The following TMEM132C variants were observed in gnomAD, a reference collection of about 807,000 sequenced individuals.
The protein encoded by TMEM132C is protein phosphatase 1, regulatory subunit 152.
Under a neutral mutation model 61.4 loss-of-function variants are expected in TMEM132C, and 29 were observed. The ratio of observed to expected loss-of-function variants is 0.47; its 90% CI spans 0.35 to 0.64. The LOEUF (loss-of-function observed/expected upper bound fraction) is 0.64. Ranked by LOEUF, TMEM132C falls within the 30% of genes least tolerant of loss-of-function variation. TMEM132C has a pLI of 0.00. For synonymous variants in TMEM132C, 656 were observed against 633.1 expected, an observed-to-expected ratio of 1.04 and a Z score of -0.54; for missense variants, 1,408 against 1,476.9, an observed-to-expected ratio of 0.95 and a Z score of 0.76.
intron 2 of TMEM132C, among the ~76,000 whole-genome samples, chr12:128,427,410 G>A (rs865989800): frequency 2.4e-5 from 2 of 82,638 alleles, no homozygotes; most frequent in African/African-American, 3.4e-5. Context: ...GTGTGTGTGT[G>A]TGTGTGTGTG....
Position 128,403,368 on chromosome 12 carries a change from C to T in TMEM132C, c.86-11364C>T, listed in dbSNP as rs867410804. Among the ~76,000 whole-genome samples, 6 of 152,276 alleles carry T rather than the reference C, an allele frequency of 3.9e-5. No homozygotes were observed. The East Asian group carries it at 1.2e-3, about 29-fold the overall frequency. Reference sequence around the variant, plus strand: ...AGGTGTCTGATATCATATGAGTAAACCAGAGATGTCTGATGCAGGAGACAC... The same window carrying T: ...AGGTGTCTGATATCATATGAGTAAATCAGAGATGTCTGATGCAGGAGACAC... On this transcript the variant is annotated intron_variant, in intron 1 of 8. Coordinates refer to ENST00000435159, the MANE Select transcript of TMEM132C (RefSeq NM_001136103.3).
intron 2 of TMEM132C, among the ~76,000 whole-genome samples, chr12:128,438,591 C>G (rs1484946216): frequency 4.6e-5 from 7 of 152,052 alleles, no homozygotes; most frequent in Admixed American, 4.6e-4. Flanking sequence ...CTAAGAACAC[C>G]CACTTTTAAA....
At chr12:128,639,315 TATG>T (rs1032105026) in intron 4 of TMEM132C, among the ~76,000 whole-genome samples, 8 of 149,024 alleles carry the variant, frequency 5.4e-5, no homozygotes, top group Admixed American at 1.3e-4. Flanking sequence ...GTGATGATGG[TATG>T]ATGGTGATGA....
chr12:128,334,674 C>T (rs554506963), intron 1 of TMEM132C, among the ~76,000 whole-genome samples: 63 of 151,830 alleles, frequency 4.1e-4, no homozygotes, highest in African/African-American at 1.4e-3. Flanking sequence ...CAGCTCACTG[C>T]AAGCTCTGCC....
chr12:128,543,912 A>G (rs1179323282), intron 2 of TMEM132C, 45 bp from the exon 3 acceptor site: 1 of 1,525,648 alleles, frequency 6.6e-7, no homozygotes, highest in Non-Finnish European at 8.8e-7. Flanking sequence ...GGAAAGGCCA[A>G]GCCTTAACCC....
intron 3 of TMEM132C, among the ~76,000 whole-genome samples, chr12:128,566,190 A>C (rs1035389624): frequency 8.7e-6 from 1 of 115,510 alleles, no homozygotes; most frequent in Non-Finnish European, 1.6e-5. Flanking sequence ...AAGCCTAACC[A>C]AAAAAAAAAA....
intron 2 of TMEM132C, among the ~76,000 whole-genome samples, chr12:128,500,310 A>G (rs1407435958): frequency 6.6e-6 from 1 of 152,212 alleles, no homozygotes; most frequent in Non-Finnish European, 1.5e-5. Flanking sequence ...TTACAACTCT[A>G]AAAGCCCAAG....
At chr12:128,442,385 G>T (rs988636810) in intron 2 of TMEM132C, among the ~76,000 whole-genome samples, 1 of 152,204 alleles carries the variant, frequency 6.6e-6, no homozygotes, top group South Asian at 2.1e-4. Context: ...CATGGCCCTC[G>T]CCCTGACTAT....
intron 1 of TMEM132C, among the ~76,000 whole-genome samples, chr12:128,345,346 G>T (rs1873121212): frequency 6.6e-6 from 1 of 152,132 alleles, no homozygotes; most frequent in Non-Finnish European, 1.5e-5. Flanking sequence ...TTGCTATTGT[G>T]AATAGTGCTG....
rs1870774948 is a variant in TMEM132C at position 128,278,737 on chromosome 12, A to T, written c.85+11250A>T. On this transcript the variant is annotated intron_variant, in intron 1 of 8. Transcript: ENST00000435159. This position sits in a 1 kb window ranked among gnomAD's most constrained non-coding sequence, Gnocchi z 4.2. ...GTTCCCAGATATTTGTGCAGACTTG[A>T]TTCTATACGTGTATGTGTGTGTGTG... 7.1e-6 allele frequency among the ~76,000 whole-genome samples: 1 copy of T among 140,560 alleles called. No individual in the cohort carries two copies. The highest frequency in any genetic ancestry group is 2.6e-5 in the African/African-American group (1 of 37,744). 92.2% of individuals were successfully genotyped at this position (140,560 alleles called of 152,430 possible).
At chr12:128,674,721 G>T (rs961690634) in intron 5 of TMEM132C, among the ~76,000 whole-genome samples, 1 of 151,978 alleles carries the variant, frequency 6.6e-6, no homozygotes, top group African/African-American at 2.4e-5. Flanking sequence ...GTGGTATTTG[G>T]TTACATGAGT....
intron 1 of TMEM132C, among the ~76,000 whole-genome samples, chr12:128,355,874 G>T (rs76148851): frequency 6.6e-6 from 1 of 152,166 alleles, no homozygotes; most frequent in Non-Finnish European, 1.5e-5. Flanking sequence ...GTCCCTGGGT[G>T]CCCTACATAA....
In TMEM132C at chr12:128,382,491, A is replaced by T. The variant is rs114366426; in HGVS notation, c.86-32241A>T. On this transcript the variant is annotated intron_variant, in intron 1 of 8. Transcript: ENST00000435159. ...TTAATTTTAGTTAATTTTAATATCA[A>T]TAACCACATGTGGCTAATGGCTCAG... Among the ~76,000 whole-genome samples, 1,220 of 152,322 alleles carry T rather than the reference A, an allele frequency of 8.0e-3. 16 individuals are homozygous for T. The highest frequency in any genetic ancestry group is 0.028 in the African/African-American group (1,160 of 41,578).
intron 2 of TMEM132C, chr12:128,437,998 G>A (rs977562878): frequency 2.0e-5 from 3 of 152,126 alleles, no homozygotes; most frequent in Admixed American, 6.5e-5. Flanking sequence ...TTTGGTCCTT[G>A]GTTTATTATC....
In TMEM132C at chr12:128,415,139, G is replaced by A; in HGVS notation, c.493G>A (p.Glu165Lys). The A allele has an allele frequency of 6.2e-7, 1 of 1,610,436 alleles. No homozygotes were observed. The highest frequency in any genetic ancestry group is 8.5e-7 in the Non-Finnish European group (1 of 1,178,344). The change falls in exon 2 of 9, where the codon GAG becomes AAG. Residue 165 changes from glutamate (E) to lysine (K), a missense_variant. Glu to Lys is a moderately conservative substitution (Grantham distance 56). Coordinates refer to ENST00000435159, the MANE Select transcript of TMEM132C (RefSeq NM_001136103.3). This position sits in a 1 kb window ranked among gnomAD's most constrained non-coding sequence, Gnocchi z 5.8. Reference protein sequence around the residue: ...GRDWDDHGAGEKLPCLRVFAF... With the variant: ...GRDWDDHGAGKKLPCLRVFAF... ...AGACTGGGATGACCACGGCGCCGGGGAGAAGCTGCCATGCCTGAGGGTCTT... is the reference window on the plus strand; with the variant it reads ...AGACTGGGATGACCACGGCGCCGGGAAGAAGCTGCCATGCCTGAGGGTCTT...
intron 1 of TMEM132C, among the ~76,000 whole-genome samples, chr12:128,402,546 T>A (rs770472524): frequency 6.6e-6 from 1 of 152,182 alleles, no homozygotes; most frequent in African/African-American, 2.4e-5. Flanking sequence ...TCCAGCAGCG[T>A]AGGAAACTGA....
intron 1 of TMEM132C, among the ~76,000 whole-genome samples, chr12:128,398,738 T>A (rs552280845): frequency 6.6e-6 from 1 of 152,296 alleles, no homozygotes; most frequent in Admixed American, 6.5e-5. Context: ...CGCATAGGGA[T>A]GTTGAAAGTA....
chr12:128,483,023 C>T (rs1019906485), intron 2 of TMEM132C, among the ~76,000 whole-genome samples: 4 of 151,532 alleles, frequency 2.6e-5, no homozygotes, highest in Admixed American at 6.6e-5. Flanking sequence ...GCAGGAGGAT[C>T]GCTTGAGCCC....
chr12:128,331,402 A>C (rs1222821693), intron 1 of TMEM132C, among the ~76,000 whole-genome samples: 1 of 152,212 alleles, frequency 6.6e-6, no homozygotes, highest in Non-Finnish European at 1.5e-5. Context: ...AATAATGTAC[A>C]TTGTACCCAT....
Sources: gnomAD v4.1 joint callset for allele counts (sites outside exome capture counted in the v4.1 genomes callset) on GRCh38, gnomAD v4.1.1 for gene constraint, Gnocchi (gnomAD v3.1) non-coding constraint, MANE v1.5 for transcripts, NCBI Gene and HGNC (gene_info 2026-07-23, HGNC 2026-07-21) for gene names.